Variants in STARD3NL observed in about 807,000 individuals in gnomAD.
STARD3NL encodes STARD3 N-terminal like, also known as STARD3 N-terminal-like protein.
STARD3NL carries 17 observed loss-of-function variants against 30.9 expected under a neutral mutation model. The observed-to-expected ratio is 0.55, with a 90% CI of 0.38 to 0.82. The LOEUF (loss-of-function observed/expected upper bound fraction) is 0.82. Ranked by LOEUF, STARD3NL falls within the 40% of genes least tolerant of loss-of-function variation. The pLI is 0.00. For synonymous variants in STARD3NL, 112 were observed against 100.5 expected, an observed-to-expected ratio of 1.11 and a Z score of -0.69; for missense variants, 234 against 277.6, an observed-to-expected ratio of 0.84 and a Z score of 1.12.
chr7:38,179,173 C>T (rs1276710519), intron 1 of STARD3NL: 3 of 152,184 alleles, frequency 2.0e-5, no homozygotes, highest in Non-Finnish European at 4.4e-5. Flanking sequence ...CTAATTAAAT[C>T]TTTACTGGAA....
Position 38,214,419 on chromosome 7 carries a change from A to G in STARD3NL, c.288A>G (p.Ser96=), listed in dbSNP as rs761417459. Residue 96 remains serine (S), a synonymous_variant, in exon 3 of 9, where the codon TCA becomes TCG. Coordinates refer to ENST00000009041, the MANE Select transcript of STARD3NL (RefSeq NM_032016.4). ...KEVMQYDYYS[S]YFDIFLLAVF... is the part of the protein sequence containing the mutation. ...TGATGCAGTATGACTACTATTCTTC[A>G]TATTTTGATATATTTGTAAGTATTT... The G allele has an allele frequency of 1.8e-5, 28 of 1,587,866 alleles. No individual in the cohort carries two copies. Among genetic ancestry groups the G allele is most frequent in the Non-Finnish European group, 2.3e-5 (27 of 1,159,194 alleles).
intron 7 of STARD3NL, among the ~76,000 whole-genome samples, chr7:38,221,866 C>T (rs1786484573): frequency 2.0e-5 from 3 of 152,168 alleles, no homozygotes; most frequent in Admixed American, 2.0e-4. Flanking sequence ...AGCCATTGTC[C>T]ACCTTGCTGT....
intron 1 of STARD3NL, among the ~76,000 whole-genome samples, chr7:38,198,751 C>A (rs948181328): frequency 1.3e-5 from 2 of 152,076 alleles, no homozygotes; most frequent in Non-Finnish European, 2.9e-5. Context: ...TTGTGGGGCT[C>A]CTGTAAAATG....
chr7:38,217,205 T>C lies in STARD3NL; in HGVS notation c.453T>C (p.Ala151=). The change falls in exon 6 of 9, where the codon GCT becomes GCC. Residue 151 remains alanine (A), a synonymous_variant. Transcript: ENST00000009041. ...TTTTCCAGCTTTTCTCTCAAGGGGC[T>C]TTTGGCTATGTGCTGCCCATCATTT... The part of the protein sequence containing the change: ...VILSKLFSQG[A]FGYVLPIISF... 1 of 1,614,092 alleles carries C rather than the reference T, an allele frequency of 6.2e-7. No individual in the cohort carries two copies. Among genetic ancestry groups the C allele is most frequent in the Non-Finnish European group, 8.5e-7 (1 of 1,179,948 alleles).
intron 1 of STARD3NL, among the ~76,000 whole-genome samples, chr7:38,182,411 C>G (rs1257549081): frequency 6.6e-6 from 1 of 152,130 alleles, no homozygotes; most frequent in African/African-American, 2.4e-5. Flanking sequence ...ATACTAACAA[C>G]GATTTCCACT....
intron 8 of STARD3NL, among the ~76,000 whole-genome samples, chr7:38,229,252 A>G (rs1786962198): frequency 6.6e-6 from 1 of 152,238 alleles, no homozygotes; most frequent in Admixed American, 6.5e-5. Context: ...CATTTGAAGC[A>G]GCAGAGACAT....
chr7:38,195,178 T>C (rs183012414), intron 1 of STARD3NL, among the ~76,000 whole-genome samples: 7 of 152,262 alleles, frequency 4.6e-5, no homozygotes, highest in African/African-American at 1.7e-4. Flanking sequence ...TGCCTCAGCC[T>C]CCTGAGTCGC....
chr7:38,214,886 A>G (rs1046296703), intron 3 of STARD3NL, 142 bp from the exon 4 acceptor site: 1 of 669,136 alleles, frequency 1.5e-6, no homozygotes. Context: ...GGGATTCCCA[A>G]ATGCTGGTCT....
rs1316218313 is a variant in STARD3NL, at chr7:38,219,561, C to T, written c.554-4C>T. The T allele has an allele frequency of 2.5e-6, 4 of 1,590,722 alleles. No individual in the cohort carries two copies. The highest frequency in any genetic ancestry group is 3.4e-6 in the Non-Finnish European group (4 of 1,162,218). On this transcript the variant is annotated splice_region_variant and splice_polypyrimidine_tract_variant and intron_variant, in intron 6 of 8. Transcript: ENST00000009041. ...TCCCAACATCTGAATTTCTTCTCTT[C>T]CAGGACTCCTGATAGTTCAGGATGC...
intron 1 of STARD3NL, among the ~76,000 whole-genome samples, chr7:38,195,331 C>CA (rs1194778427): frequency 6.6e-6 from 1 of 152,204 alleles, no homozygotes; most frequent in Non-Finnish European, 1.5e-5. Context: ...GATGAGATTA[C>CA]AAGCGTGAGC....
intron 2 of STARD3NL, among the ~76,000 whole-genome samples, chr7:38,209,658 A>G (rs1785685157): frequency 6.6e-6 from 1 of 152,190 alleles, no homozygotes; most frequent in African/African-American, 2.4e-5. Flanking sequence ...TAACGTCAAC[A>G]GCAAGTCCGG....
intron 1 of STARD3NL, among the ~76,000 whole-genome samples, chr7:38,199,234 A>G (rs1785065358): frequency 6.6e-6 from 1 of 152,214 alleles, no homozygotes. Context: ...TTAGAGAGGT[A>G]TGGCTTTCCT....
intron 2 of STARD3NL, among the ~76,000 whole-genome samples, chr7:38,209,836 A>C (rs1785698653): frequency 1.3e-5 from 2 of 152,204 alleles, no homozygotes; most frequent in Admixed American, 6.5e-5. Flanking sequence ...GTTCACAGAC[A>C]AGTTATCTGT....
At chr7:38,179,398 C>G (rs768598001) in intron 1 of STARD3NL, among the ~76,000 whole-genome samples, 30 of 152,324 alleles carry the variant, frequency 2.0e-4, no homozygotes, top group Non-Finnish European at 4.0e-4. Flanking sequence ...AAGTCACTGT[C>G]TTTAAAATCT....
At chr7:38,202,792 C>T (rs1303113835) in intron 1 of STARD3NL, among the ~76,000 whole-genome samples, 6 of 140,428 alleles carry the variant, frequency 4.3e-5, no homozygotes, top group Admixed American at 7.6e-5. Context: ...TCTCATTGTT[C>T]AATTCCCACC....
chr7:38,228,920 AT>A (rs1326432879), intron 8 of STARD3NL, 49 bp downstream of exon 8: 2 of 1,376,226 alleles, frequency 1.5e-6, no homozygotes, highest in Non-Finnish European at 2.1e-6. Context: ...AAGTATGGAG[AT>A]TTCCTTTGAG....
Position 38,207,513 on chromosome 7 carries a change from C to G in STARD3NL, c.9C>G (p.His3Gln), listed in dbSNP as rs1785551798. The G allele has an allele frequency of 6.2e-7, 1 of 1,613,824 alleles. No homozygotes were observed. The highest frequency in any genetic ancestry group is 1.3e-5 in the African/African-American group (1 of 74,928). The stretch of plus-strand genomic sequence containing the variant: ...TGTAACCCTCCTCCAGGATGAACCA[C>G]CTGCCAGAAGACATGGAGAACGCTC... The part of the protein sequence containing the change: MN[H>Q]LPEDMENALT... Residue 3 changes from histidine (H) to glutamine (Q), a missense_variant, in exon 2 of 9, where the codon CAC becomes CAG. His to Gln is a conservative substitution (Grantham distance 24). Transcript: ENST00000009041.
At chr7:38,211,353 C>G (rs923822727) in intron 2 of STARD3NL, among the ~76,000 whole-genome samples, 2 of 151,944 alleles carry the variant, frequency 1.3e-5, no homozygotes, top group Non-Finnish European at 2.9e-5. Context: ...GGAGGATGAT[C>G]TGGGAAGGAT....
chr7:38,197,665 C>T (rs1396837414), intron 1 of STARD3NL, among the ~76,000 whole-genome samples: 2 of 152,182 alleles, frequency 1.3e-5, no homozygotes, highest in African/African-American at 4.8e-5. Flanking sequence ...GTCTTGTTAG[C>T]ATGCCATAAT....
Sources: allele counts gnomAD v4.1 joint callset (sites outside exome capture counted in the v4.1 genomes callset), GRCh38; gene constraint gnomAD v4.1.1; transcripts MANE v1.5; gene names NCBI Gene and HGNC (gene_info 2026-07-23, HGNC 2026-07-21).